Variants in EEA1 observed in about 807,000 individuals in gnomAD.
EEA1 encodes early endosome antigen 1.
A neutral mutation model predicts 209.2 loss-of-function variants in EEA1; 111 were observed. The ratio of observed to expected loss-of-function variants is 0.53; its 90% CI spans 0.45 to 0.62. EEA1 has a LOEUF of 0.62. EEA1 is among the 20% of genes least tolerant of loss of function. The probability of loss-of-function intolerance (pLI) is 0.00; values close to 1 mark genes in which losing one functional copy is unlikely to be tolerated. For missense variants in EEA1, 1,343 were observed against 1,530.8 expected, an observed-to-expected ratio of 0.88 and a Z score of 2.05; for synonymous variants, 536 against 540.6, an observed-to-expected ratio of 0.99 and a Z score of 0.12.
At chr12:92,899,270 TG>T (rs1451777817) in intron 1 of EEA1, among the ~76,000 whole-genome samples, 1 of 152,216 alleles carries the variant, frequency 6.6e-6, no homozygotes, top group Admixed American at 6.5e-5. Context: ...TTAAGCCAAC[TG>T]AATACATGAG....
intron 17 of EEA1, 124 bp from the exon 18 acceptor site, chr12:92,809,280 T>A: frequency 1.6e-6 from 1 of 627,818 alleles, no homozygotes; most frequent in Non-Finnish European, 2.4e-6. Context: ...TTTATTATAA[T>A]AAAAAACATA....
At position 92,811,303 on chromosome 12, in the gene EEA1, G is replaced by C. The variant is rs375743156; in HGVS notation, c.2175C>G (p.Thr725=). 2 of 1,567,440 alleles carry C rather than the reference G, an allele frequency of 1.3e-6. No individual in the cohort carries two copies. Among genetic ancestry groups the C allele is most frequent in the Non-Finnish European group, 1.7e-6 (2 of 1,160,774 alleles). The change falls in exon 17 of 29, where the codon ACC becomes ACG. Residue 725 remains threonine (T), a synonymous_variant. Transcript: ENST00000322349. ...CCTTAATTTGACCTTCTAGCTCTTC[G>C]GTTTTCTGTTCTAAAGAGAGGTATT... is the stretch of plus-strand genomic sequence containing the variant. ...KEKYLSLEQK[T]EELEGQIKKL...
At chr12:92,906,449 T>G (rs1364129404) in intron 1 of EEA1, among the ~76,000 whole-genome samples, 2 of 152,138 alleles carry the variant, frequency 1.3e-5, no homozygotes, top group African/African-American at 2.4e-5. Context: ...ATACAAGTAT[T>G]AGAAATTAAA....
chr12:92,925,662 C>T (rs1418670908), intron 1 of EEA1, among the ~76,000 whole-genome samples: 1 of 152,174 alleles, frequency 6.6e-6, no homozygotes, highest in African/African-American at 2.4e-5. Context: ...TCAATACATA[C>T]ATATTGGAGC....
At chr12:92,779,388 G>T (rs1873801065) in intron 24 of EEA1, 88 bp from the exon 25 acceptor site, 1 of 1,212,666 alleles carries the variant, frequency 8.2e-7, no homozygotes. Context: ...TATCACAATA[G>T]ATCAAATATA....
chr12:92,878,119 G>A (rs1051909926), intron 2 of EEA1, among the ~76,000 whole-genome samples: 8 of 152,110 alleles, frequency 5.3e-5, no homozygotes, highest in African/African-American at 1.9e-4. Context: ...AAGAAGATAA[G>A]ACCAGGCACA....
chr12:92,810,655 A>AT (rs552406171), intron 17 of EEA1, among the ~76,000 whole-genome samples: 5,265 of 146,670 alleles, frequency 0.036, 131 homozygotes, highest in Non-Finnish European at 0.055. Flanking sequence ...ATTTTTAAAA[A>AT]TTTTTTTTTT....
In EEA1 at chr12:92,772,473, T is replaced by C. The variant is rs544423400; in HGVS notation, c.*3538A>G. The C allele has an allele frequency of 2.0e-5, 3 of 151,856 alleles. No homozygotes were observed. Among genetic ancestry groups the C allele is most frequent in the Non-Finnish European group, 1.5e-5 (1 of 67,800 alleles). The allele number at this position is 151,856 out of a possible 1,614,324, so 9.4% of individuals were successfully genotyped here. A position where few individuals can be genotyped will look rare whatever the true frequency, so the allele number is the denominator to read the frequency against. On this transcript the variant is annotated 3_prime_UTR_variant, in exon 29 of 29. Coordinates refer to ENST00000322349, the MANE Select transcript of EEA1 (RefSeq NM_003566.4). ...ATGGTTAATACAGTGTTCTCTCTTT[T>C]GTTAGACAAAACAATTTATAGTCAC...
At chr12:92,826,455 A>G (rs1429780959) in intron 12 of EEA1, among the ~76,000 whole-genome samples, 170 bp from the exon 13 acceptor site, 1 of 152,150 alleles carries the variant, frequency 6.6e-6, no homozygotes, top group African/African-American at 2.4e-5. Context: ...CATGCCTGTA[A>G]TCCCAGCACT....
At chr12:92,778,221 T>A (rs543016668) in intron 25 of EEA1, 42 bp from the exon 26 acceptor site, 10 of 1,477,894 alleles carry the variant, frequency 6.8e-6, no homozygotes, top group African/African-American at 1.4e-5. Context: ...ATTACAAAAG[T>A]AGTGCAAAAT....
intron 1 of EEA1, among the ~76,000 whole-genome samples, chr12:92,907,680 C>G (rs1880432354): frequency 1.3e-5 from 2 of 152,218 alleles, no homozygotes; most frequent in South Asian, 4.1e-4. Context: ...TTTCTCAAAG[C>G]ATTGTAACCA....
chr12:92,795,574 G>T (rs1255077192), intron 21 of EEA1, among the ~76,000 whole-genome samples: 1 of 152,182 alleles, frequency 6.6e-6, no homozygotes, highest in Non-Finnish European at 1.5e-5. Flanking sequence ...AAGAGAAAAA[G>T]AAAGTCTGGA....
rs543527157 is a variant in EEA1, at chr12:92,857,582, T to C, written c.246-97A>G. 44 of 722,906 alleles carry C rather than the reference T, an allele frequency of 6.1e-5. 1 individual carries two copies. In the East Asian group the frequency reaches 1.0e-3, roughly 17 times the overall value. The allele number at this position is 722,906 out of a possible 1,614,324, so 44.8% of individuals were successfully genotyped here. A position where few individuals can be genotyped will look rare whatever the true frequency, so the allele number is the denominator to read the frequency against. ...GGCTAGTAATTGTATATTAATATTA[T>C]AGTTTTTTCAATTCAAAAAAAAACT... On this transcript the variant is annotated intron_variant, in intron 3 of 28. Transcript: ENST00000322349.
intron 23 of EEA1, among the ~76,000 whole-genome samples, chr12:92,780,955 G>A (rs557248438): frequency 6.6e-6 from 1 of 152,136 alleles, no homozygotes; most frequent in Non-Finnish European, 1.5e-5. Context: ...CACCCAGGCT[G>A]GAGTGCAGTG....
chr12:92,859,005 TA>T, intron 3 of EEA1: 1 of 684,784 alleles, frequency 1.5e-6, no homozygotes, highest in Non-Finnish European at 2.7e-6. Context: ...AATCCCTTGT[TA>T]AAGGAGGTCT....
rs767806364 is a variant in EEA1 at position 92,819,415 on chromosome 12, A to C, written c.1621T>G (p.Leu541Val). The change falls in exon 14 of 29, where the codon TTA becomes GTA. Residue 541 changes from leucine to valine, a missense_variant. Coordinates refer to ENST00000322349, the MANE Select transcript of EEA1 (RefSeq NM_003566.4). ...LLQKSKENISLLEKEREDLYA... is the reference protein window; with the variant it reads ...LLQKSKENISVLEKEREDLYA... ...AGATCTTCTCTTTCTTTTTCTAGTA[A>C]TGAAATATTTTCTTTACTCTTCTGT... 8.7e-6 allele frequency: 14 copies of C among 1,612,580 alleles called. No homozygotes were observed.
At chr12:92,842,642 AT>A (rs1161267439) in intron 9 of EEA1, 61 bp from the exon 10 acceptor site, 5 of 1,045,106 alleles carry the variant, frequency 4.8e-6, no homozygotes, top group African/African-American at 1.7e-5. Context: ...GATAAAAAAA[AT>A]GAAAGTATAT....
At chr12:92,909,556 G>A (rs1241832260) in intron 1 of EEA1, among the ~76,000 whole-genome samples, 1 of 152,186 alleles carries the variant, frequency 6.6e-6, no homozygotes, top group Non-Finnish European at 1.5e-5. Context: ...AGCTGTTATC[G>A]CTTGAATGTC....
At chr12:92,904,486 T>C (rs2136769396) in intron 1 of EEA1, among the ~76,000 whole-genome samples, 1 of 152,330 alleles carries the variant, frequency 6.6e-6, no homozygotes, top group South Asian at 2.1e-4. Context: ...TCCCACAATT[T>C]AATTGAATTC....
Sources: allele counts gnomAD v4.1 joint callset (sites outside exome capture counted in the v4.1 genomes callset), GRCh38; gene constraint gnomAD v4.1.1; transcripts MANE v1.5; gene names NCBI Gene and HGNC (gene_info 2026-07-23, HGNC 2026-07-21).